Variants in DLG2 observed in about 807,000 individuals in gnomAD.
The protein encoded by DLG2 is discs large MAGUK scaffold protein 2.
A neutral mutation model predicts 132.5 loss-of-function variants in DLG2; 45 were observed. That is an observed-to-expected ratio of 0.34 (90% confidence interval 0.27 to 0.44). DLG2 has a LOEUF of 0.44. Among genes scored for constraint, DLG2 ranks in the 20% least tolerant of loss-of-function variants. DLG2 has a pLI of 1.00. For synonymous variants in DLG2, 424 were observed against 419.6 expected (o/e 1.01, Z -0.13); for missense variants, 1,045 against 1,196.9 (o/e 0.87, Z 1.87).
intron 21 of DLG2, chr11:83,486,306 G>GGTAT: frequency 3.0e-6 from 2 of 659,388 alleles, no homozygotes; most frequent in Non-Finnish European, 5.4e-6. Flanking sequence ...GATACTGCAA[G>GGTAT]GTATGTTAGA....
intron 19 of DLG2, chr11:83,632,295 C>G (rs2063695920): frequency 6.6e-6 from 1 of 152,112 alleles, no homozygotes; most frequent in African/African-American, 2.4e-5. Flanking sequence ...ATACGTCATG[C>G]CTAAAATTTC....
At chr11:84,737,891 T>C (rs1284946938) in intron 6 of DLG2, among the ~76,000 whole-genome samples, 4 of 152,114 alleles carry the variant, frequency 2.6e-5, no homozygotes, top group Non-Finnish European at 4.4e-5. Context: ...TGTAATGGCA[T>C]TCACTGAAAT....
At position 84,741,354 on chromosome 11, in the gene DLG2, G is replaced by A. The variant is rs575895553; in HGVS notation, c.358-206623C>T. On this transcript the variant is annotated intron_variant, in intron 6 of 27. Transcript: ENST00000376104. ...CAGGCGTGAGCCACCGCGCCCGGCC[G>A]CCTATGCTCTTAATAAGAGTAACAG... Among the ~76,000 whole-genome samples the A allele has an allele frequency of 3.7e-3, 559 of 151,978 alleles. 1 individual carries two copies. Among genetic ancestry groups the A allele is most frequent in the African/African-American group, 0.013 (521 of 41,472 alleles).
At chr11:84,424,013 G>A (rs2098958839) in intron 7 of DLG2, among the ~76,000 whole-genome samples, 1 of 152,114 alleles carries the variant, frequency 6.6e-6, no homozygotes, top group African/African-American at 2.4e-5. Context: ...AAGCAGAACT[G>A]GTGCTTTAGG....
intron 4 of DLG2, among the ~76,000 whole-genome samples, chr11:85,278,706 A>T (rs1465027875): frequency 2.6e-5 from 4 of 152,148 alleles, no homozygotes; most frequent in African/African-American, 9.7e-5. Flanking sequence ...AAGACCTTCA[A>T]CCCAGATCTT....
intron 7 of DLG2, among the ~76,000 whole-genome samples, chr11:84,426,644 C>A (rs1339841672): frequency 6.6e-6 from 1 of 152,026 alleles, no homozygotes; most frequent in African/African-American, 2.4e-5. Context: ...AAGGAAGGTC[C>A]TTTCTAGTTT....
intron 11 of DLG2, among the ~76,000 whole-genome samples, chr11:83,984,717 A>G (rs921163902): frequency 6.6e-6 from 1 of 152,154 alleles, no homozygotes; most frequent in Non-Finnish European, 1.5e-5. Flanking sequence ...TTATGGATAC[A>G]TAATAAATGT....
intron 6 of DLG2, among the ~76,000 whole-genome samples, chr11:84,922,645 C>T (rs1420430633): frequency 6.6e-6 from 1 of 152,176 alleles, no homozygotes; most frequent in Non-Finnish European, 1.5e-5. Flanking sequence ...AATGCCATTA[C>T]AGTCACTAGA....
chr11:85,492,822 G>T (rs2093591955), intron 3 of DLG2, among the ~76,000 whole-genome samples: 1 of 152,068 alleles, frequency 6.6e-6, no homozygotes, highest in South Asian at 2.1e-4. Context: ...GAGGTATAAT[G>T]AGTAGCTCAA....
chr11:84,885,217 C>T (rs910126537), intron 6 of DLG2, among the ~76,000 whole-genome samples: 7 of 151,226 alleles, frequency 4.6e-5, no homozygotes, highest in Admixed American at 2.6e-4. Flanking sequence ...AATATTTTAT[C>T]GTAAAGAACT....
chr11:84,684,108 T>G (rs1386593552), intron 6 of DLG2, among the ~76,000 whole-genome samples: 1 of 152,204 alleles, frequency 6.6e-6, no homozygotes, highest in Non-Finnish European at 1.5e-5. Context: ...ATCTCAGATA[T>G]TTAATCAGGC....
At chr11:83,792,023 C>T (rs2041704433) in intron 17 of DLG2, among the ~76,000 whole-genome samples, 1 of 152,106 alleles carries the variant, frequency 6.6e-6, no homozygotes, top group Admixed American at 6.6e-5. Flanking sequence ...TTTTGTTTTG[C>T]TTTTCATTGA....
chr11:84,549,054 A>C (rs2099396472), intron 6 of DLG2, among the ~76,000 whole-genome samples: 1 of 152,214 alleles, frequency 6.6e-6, no homozygotes, highest in Non-Finnish European at 1.5e-5. Context: ...GTGATAAGGA[A>C]AAATTCTCTA....
In DLG2 at chr11:84,903,912, C is replaced by A. The variant is rs569784973; in HGVS notation, c.357+207749G>T. ...ATTCTTAATATGTAAAAAAGTTTTA[C>A]AGATAAATGAAAAAATTTCCAGTTT... On this transcript the variant is annotated intron_variant, in intron 6 of 27. Transcript: ENST00000376104. Among the ~76,000 whole-genome samples, 10 of 151,956 alleles carry A rather than the reference C, an allele frequency of 6.6e-5. No individual in the cohort carries two copies. In the South Asian group the frequency reaches 2.1e-3, roughly 32 times the overall value.
chr11:84,850,656 G>A (rs1173398199), intron 6 of DLG2, among the ~76,000 whole-genome samples: 1 of 152,034 alleles, frequency 6.6e-6, no homozygotes, highest in Non-Finnish European at 1.5e-5. Context: ...GTATCTTAAA[G>A]AATCCACAAA....
intron 18 of DLG2, among the ~76,000 whole-genome samples, chr11:83,709,370 C>T (rs1263226679): frequency 1.4e-5 from 2 of 147,722 alleles, no homozygotes; most frequent in Non-Finnish European, 3.0e-5. Context: ...CACACACACA[C>T]ATATATATAT....
intron 8 of DLG2, among the ~76,000 whole-genome samples, chr11:84,185,768 G>C (rs1033407075): frequency 6.6e-6 from 1 of 152,136 alleles, no homozygotes; most frequent in African/African-American, 2.4e-5. Flanking sequence ...TTTATTGAGA[G>C]TTTTTAGCAT....
chr11:85,331,625 C>T (rs2081754967), intron 3 of DLG2, among the ~76,000 whole-genome samples: 1 of 152,158 alleles, frequency 6.6e-6, no homozygotes, highest in Admixed American at 6.5e-5. Flanking sequence ...TGCCACCTGC[C>T]ACCTGAAGTA....
chr11:83,776,646 C>A lies in DLG2; in HGVS notation c.1825+10044G>T, dbSNP rs562048642. Among the ~76,000 whole-genome samples the A allele has an allele frequency of 2.6e-5, 4 of 152,230 alleles. No homozygotes were observed. In the East Asian group the frequency reaches 7.7e-4, roughly 29 times the overall value. ...AGTCCTGTGTGATCTGTCTCTGCTTCTCTCTTCTGCCTCCTCCAGTGTTTC... is the reference window on the plus strand; with the variant it reads ...AGTCCTGTGTGATCTGTCTCTGCTTATCTCTTCTGCCTCCTCCAGTGTTTC... On this transcript the variant is annotated intron_variant, in intron 18 of 27. Transcript: ENST00000376104.
Sources: allele counts gnomAD v4.1 joint callset (sites outside exome capture counted in the v4.1 genomes callset), GRCh38; gene constraint gnomAD v4.1.1; transcripts MANE v1.5; gene names NCBI Gene and HGNC (gene_info 2026-07-23, HGNC 2026-07-21).